The following GOSR1 variants were observed in gnomAD, a reference collection of about 807,000 sequenced individuals.
GOSR1 encodes the protein golgi SNAP receptor complex member 1.
Under a neutral mutation model 35.5 loss-of-function variants are expected in GOSR1, and 21 were observed. That is an observed-to-expected ratio of 0.59 (90% CI 0.42 to 0.85). The LOEUF (loss-of-function observed/expected upper bound fraction) is 0.85. GOSR1 is among the 40% of genes least tolerant of loss of function. The pLI is 0.00. For missense variants in GOSR1, 285 were observed against 309.6 expected (o/e 0.92, Z 0.60); for synonymous variants, 94 against 106.6 (o/e 0.88, Z 0.73).
At chr17:30,501,071 G>A (rs1057208184) in intron 6 of GOSR1, among the ~76,000 whole-genome samples, 4 of 151,838 alleles carry the variant, frequency 2.6e-5, no homozygotes, top group Non-Finnish European at 5.9e-5. Flanking sequence ...TAGTAGAGAC[G>A]GGGTTTCACC....
chr17:30,490,270 G>T (rs1358653075), intron 5 of GOSR1, 53 bp downstream of exon 5: 1 of 928,548 alleles, frequency 1.1e-6, no homozygotes, highest in Non-Finnish European at 1.8e-6. Context: ...TTTGGCTTTA[G>T]GATATGTTCA....
rs183698128 is a variant in GOSR1, at chr17:30,499,486, C to T, written c.509+6733C>T. ...CCTCCCAAGTAGCTGGAACTACAGG[C>T]GCATGCCACCACGCCCAGCTAATTT... On this transcript the variant is annotated intron_variant, in intron 6 of 8. Coordinates refer to ENST00000451249, the MANE Select transcript of GOSR1 (RefSeq NM_001007025.2). 1.3e-3 allele frequency among the ~76,000 whole-genome samples: 205 copies of T among 152,180 alleles called. 2 individuals carry two copies. The highest frequency in any genetic ancestry group is 4.1e-3 in the African/African-American group (171 of 41,524).
intron 6 of GOSR1, among the ~76,000 whole-genome samples, chr17:30,498,844 A>T (rs114319380): frequency 2.6e-5 from 4 of 152,148 alleles, no homozygotes; most frequent in Non-Finnish European, 5.9e-5. Context: ...TTTTCCTCAT[A>T]AATCAGATTT....
At chr17:30,520,090 A>T in intron 8 of GOSR1, 69 bp downstream of exon 8, 3 of 977,386 alleles carry the variant, frequency 3.1e-6, no homozygotes, top group Non-Finnish European at 5.0e-6. Context: ...GTGTGCTTTT[A>T]TAGGGGGCAG....
intron 4 of GOSR1, among the ~76,000 whole-genome samples, chr17:30,488,704 A>G (rs1327965831): frequency 6.6e-6 from 1 of 151,572 alleles, no homozygotes; most frequent in Non-Finnish European, 1.5e-5. Flanking sequence ...ACACCGGCTA[A>G]GTTTTGTGTT....
At chr17:30,480,319 A>C (rs1413582196) in intron 1 of GOSR1, 1 of 152,102 alleles carries the variant, frequency 6.6e-6, no homozygotes, top group Admixed American at 6.5e-5. Flanking sequence ...CAAAAAAAAA[A>C]AGAAAAAAAA....
chr17:30,477,608 C>G lies in GOSR1; in HGVS notation c.31+144C>G. 3 of 1,385,336 alleles carry G rather than the reference C, an allele frequency of 2.2e-6. No homozygotes were observed. In the South Asian group the frequency reaches 4.8e-5, roughly 22 times the overall value. 85.8% of individuals were successfully genotyped at this position (1,385,336 alleles called of 1,614,324 possible). A position where few individuals can be genotyped will look rare whatever the true frequency, so the allele number is the denominator to read the frequency against. ...GCGGGGCTTGCCTAAGTGGGATCCC[C>G]GGGGCCTTGGGGATACCGAACGGTC... On this transcript the variant is annotated intron_variant, in intron 1 of 8. Transcript: ENST00000451249.
intron 7 of GOSR1, among the ~76,000 whole-genome samples, chr17:30,518,685 T>TAA (rs1967909620): frequency 6.6e-6 from 1 of 152,052 alleles, no homozygotes; most frequent in African/African-American, 2.4e-5. Context: ...CTCCAGCACT[T>TAA]TGGGAGGCGG....
At chr17:30,497,079 T>C (rs943778737) in intron 6 of GOSR1, among the ~76,000 whole-genome samples, 1 of 152,190 alleles carries the variant, frequency 6.6e-6, no homozygotes, top group Non-Finnish European at 1.5e-5. Flanking sequence ...CATTTAATCA[T>C]ATGTATGATA....
chr17:30,519,702 G>T, intron 7 of GOSR1: 1 of 355,018 alleles, frequency 2.8e-6, no homozygotes, highest in African/African-American at 2.1e-5. Flanking sequence ...TTATTTTGAA[G>T]CAAACATAGG....
chr17:30,477,621 A>ATCCC (rs1914026137), intron 1 of GOSR1, 157 bp downstream of exon 1: 3 of 1,391,416 alleles, frequency 2.2e-6, no homozygotes, highest in Non-Finnish European at 2.8e-6. Context: ...GGCCTTGGGG[A>ATCCC]TACCGAACGG....
intron 4 of GOSR1, among the ~76,000 whole-genome samples, chr17:30,487,403 T>A (rs532011177): frequency 1.8e-4 from 27 of 152,236 alleles, no homozygotes; most frequent in African/African-American, 6.3e-4. Context: ...TAAATAAGAC[T>A]TGATACTGGA....
chr17:30,480,015 A>T (rs2143582318), intron 1 of GOSR1: 1 of 152,138 alleles, frequency 6.6e-6, no homozygotes, highest in South Asian at 2.1e-4. Context: ...TCAATTGAGA[A>T]GTCATTTTGG....
At chr17:30,517,074 A>G (rs1265990279) in intron 7 of GOSR1, among the ~76,000 whole-genome samples, 1 of 152,164 alleles carries the variant, frequency 6.6e-6, no homozygotes, top group East Asian at 1.9e-4. Flanking sequence ...TTTCAGTTGA[A>G]AGTGATCTAA....
chr17:30,485,423 C>T (rs541683019), intron 4 of GOSR1, among the ~76,000 whole-genome samples: 1 of 152,134 alleles, frequency 6.6e-6, no homozygotes, highest in South Asian at 2.1e-4. Flanking sequence ...CATGCCACCA[C>T]GCCTGGCTAA....
chr17:30,518,003 T>G (rs1967885605), intron 7 of GOSR1, among the ~76,000 whole-genome samples: 1 of 152,108 alleles, frequency 6.6e-6, no homozygotes, highest in Non-Finnish European at 1.5e-5. Flanking sequence ...GCTCTTCCCT[T>G]AGGGGCTGGG....
intron 2 of GOSR1, chr17:30,482,893 T>C (rs924758967): frequency 3.3e-5 from 5 of 152,208 alleles, no homozygotes; most frequent in African/African-American, 9.6e-5. Flanking sequence ...TTGTTATTCC[T>C]CTAAAGGAAA....
Position 30,492,741 on chromosome 17 carries a change from AC to A in GOSR1, c.499del (p.His167ThrfsTer8). 6.3e-7 allele frequency: 1 copy of A among 1,588,078 alleles called. No homozygotes were observed. The highest frequency in any genetic ancestry group is 1.3e-5 in the African/African-American group (1 of 74,532). ...RRTELFLKEH[D>X]HLRNSDRLIE... ...ACTGAGCTATTTTTGAAAGAACATG[AC>A]CACCTTCGAAAGTAGGTATTGAATG... On this transcript the variant is annotated frameshift_variant, in exon 6 of 9. Transcript: ENST00000451249. LOFTEE classifies it high-confidence loss of function.
chr17:30,477,711 A>G, intron 1 of GOSR1: 1 of 985,074 alleles, frequency 1.0e-6, no homozygotes, highest in South Asian at 4.7e-5. Context: ...CAGAGCGGGG[A>G]TGTAGAGGAA....
Sources: gnomAD v4.1 joint callset for allele counts (sites outside exome capture counted in the v4.1 genomes callset) on GRCh38, gnomAD v4.1.1 for gene constraint, MANE v1.5 for transcripts, NCBI Gene and HGNC (gene_info 2026-07-23, HGNC 2026-07-21) for gene names.